The following CTSB variants were observed in gnomAD, a reference collection of about 807,000 sequenced individuals.
CTSB encodes cathepsin B.
Under a neutral mutation model 44.3 loss-of-function variants are expected in CTSB, and 57 were observed. The observed-to-expected ratio is 1.29, with a 90% CI of 1.04 to 1.60. CTSB has a LOEUF of 1.60. Ranked by LOEUF, CTSB falls within the 40% of genes most tolerant of loss-of-function variation. The pLI, the probability that CTSB is intolerant of heterozygous loss-of-function variation, is 0.00. For missense variants in CTSB, 768 were observed against 443.0 expected (o/e 1.73, Z -6.59); for synonymous variants, 320 against 168.0 (o/e 1.91, Z -7.00).
intron 1 of CTSB, among the ~76,000 whole-genome samples, chr8:11,859,070 G>A (rs1438533931): frequency 2.0e-5 from 3 of 152,104 alleles, no homozygotes; most frequent in African/African-American, 7.2e-5. Flanking sequence ...GGTCTGCTGT[G>A]CTGCTTAGGC....
chr8:11,847,871 A>ACGCCCCAGCTGGGCGAGGC, intron 6 of CTSB, 49 bp from the exon 7 acceptor site: 1 of 1,555,122 alleles, frequency 6.4e-7, no homozygotes, highest in East Asian at 2.3e-5. Flanking sequence ...CCCCACGGAG[A>ACGCCCCAGCTGGGCGAGGC]AGACCTGGGG....
At chr8:11,857,016 A>G (rs539434798) in intron 1 of CTSB, among the ~76,000 whole-genome samples, 42 of 152,240 alleles carry the variant, frequency 2.8e-4, no homozygotes, top group African/African-American at 7.9e-4. Context: ...CTTCCCACCA[A>G]TGAGGCTTCC....
At chr8:11,848,844 G>C (rs530023749) in intron 5 of CTSB, 1 of 506,964 alleles carries the variant, frequency 2.0e-6, no homozygotes, top group South Asian at 2.2e-5. Flanking sequence ...CCCTCAGACA[G>C]CTCTGCCGGG....
In CTSB at chr8:11,848,228, TGCCCGAG is replaced by T. The variant is rs757916870; in HGVS notation, c.447-83_447-77del. 5.1e-6 allele frequency: 7 copies of T among 1,373,892 alleles called. No homozygotes were observed. The African/African-American group carries it at 1.0e-4, about 20-fold the overall frequency. 85.1% of individuals were successfully genotyped at this position (1,373,892 alleles called of 1,614,324 possible). Reference sequence around the variant, plus strand: ...TCCAGACCACTGTGTGCTACCCAAGTGCCCGAGGCCACTCGTGGACCCACCCCCAGCT... The same window carrying T: ...TCCAGACCACTGTGTGCTACCCAAGTGCCACTCGTGGACCCACCCCCAGCT... On this transcript the variant is annotated intron_variant, in intron 5 of 9. Coordinates refer to ENST00000353047, the MANE Select transcript of CTSB (RefSeq NM_001908.5).
chr8:11,853,408 T>C lies in CTSB; in HGVS notation c.47A>G (p.Asn16Ser), dbSNP rs751312364. Residue 16 changes from asparagine to serine, a missense_variant, in exon 2 of 10, where the codon AAT becomes AGT. Physicochemically the swap from Asn to Ser is conservative, Grantham distance 46. Transcript: ENST00000353047. ...ASLCCLLVLA[N>S]ARSRPSFHPL... ...ATGGAAAGAGGGCCTGCTCCGGGCA[T>C]TGGCCAACACCAGCAGGCAGCAGAG... The C allele has an allele frequency of 6.2e-6, 10 of 1,612,770 alleles. No individual in the cohort carries two copies. The highest frequency in any genetic ancestry group is 1.7e-4 in the Middle Eastern group (1 of 6,060).
rs140521029 is a variant in CTSB, at chr8:11,845,369, G to A, written c.923-147C>T. The A allele has an allele frequency of 1.2e-3, 802 of 684,938 alleles. 6 individuals carry two copies. The African/African-American group carries it at 0.013, about 11-fold the overall frequency. 42.4% of individuals were successfully genotyped at this position (684,938 alleles called of 1,614,324 possible). ...CAGTCCTCAACACCACAAGGCTTCT[G>A]GAGCCGTGGGGCACACCTCCACGGG... is the stretch of plus-strand genomic sequence containing the variant. On this transcript the variant is annotated intron_variant, in intron 9 of 9. Coordinates refer to ENST00000353047, the MANE Select transcript of CTSB (RefSeq NM_001908.5).
At chr8:11,852,561 C>T in intron 3 of CTSB, 49 bp downstream of exon 3, 3 of 1,520,788 alleles carry the variant, frequency 2.0e-6, no homozygotes, top group Non-Finnish European at 2.7e-6. Flanking sequence ...CTGCCCCAAA[C>T]CAACGCCTGC....
At chr8:11,858,501 G>A (rs952516204) in intron 1 of CTSB, among the ~76,000 whole-genome samples, 4 of 152,132 alleles carry the variant, frequency 2.6e-5, no homozygotes, top group African/African-American at 9.7e-5. Context: ...TGTTGCCCAG[G>A]CTGGTCTCAA....
At chr8:11,864,871 C>T (rs1200357312) in intron 1 of CTSB, among the ~76,000 whole-genome samples, 1 of 150,668 alleles carries the variant, frequency 6.6e-6, no homozygotes, top group Non-Finnish European at 1.5e-5. Flanking sequence ...TGAGATTGTG[C>T]CACGGCATTC....
chr8:11,845,276 G>T, intron 9 of CTSB, 54 bp from the exon 10 acceptor site: 1 of 1,351,092 alleles, frequency 7.4e-7, no homozygotes, highest in Non-Finnish European at 1.1e-6. Flanking sequence ...AACCAATATA[G>T]TCAGACTCAT....
rs775406204 is a variant in CTSB at position 11,847,837 on chromosome 8, G to C, written c.533-15C>G. 3 of 1,570,970 alleles carry C rather than the reference G, an allele frequency of 1.9e-6. No homozygotes were observed. The highest frequency in any genetic ancestry group is 1.7e-4 in the Middle Eastern group (1 of 5,908). On this transcript the variant is annotated splice_polypyrimidine_tract_variant and intron_variant, in intron 6 of 9. Coordinates refer to ENST00000353047, the MANE Select transcript of CTSB (RefSeq NM_001908.5). ...CGGTCTGCACCCTGATGGGACGCGGGAGAAAGCGGAGTCAACCTACAGCCC... is the reference window on the plus strand; with the variant it reads ...CGGTCTGCACCCTGATGGGACGCGGCAGAAAGCGGAGTCAACCTACAGCCC...
At chr8:11,861,803 C>T (rs1816455709) in intron 1 of CTSB, among the ~76,000 whole-genome samples, 1 of 152,166 alleles carries the variant, frequency 6.6e-6, no homozygotes, top group Admixed American at 6.6e-5. Context: ...TAGTGTTCTG[C>T]TCATTAGTGT....
intron 1 of CTSB, among the ~76,000 whole-genome samples, chr8:11,859,548 G>T (rs1298480764): frequency 2.0e-5 from 3 of 151,834 alleles, no homozygotes; most frequent in Non-Finnish European, 4.4e-5. Flanking sequence ...ATCACCTGAG[G>T]TCAGGAGTTC....
rs1388617522 is a variant in CTSB, at chr8:11,849,403, C to T, written c.328-239G>A. On this transcript the variant is annotated intron_variant, in intron 4 of 9. Coordinates refer to ENST00000353047, the MANE Select transcript of CTSB (RefSeq NM_001908.5). ...TCAAGTGATTTGCCCACCTTGGCCT[C>T]CCAAAGTGCTGGGATTAGAGGCGTG... 4 of 330,306 alleles carry T rather than the reference C, an allele frequency of 1.2e-5. No homozygotes were observed. In the Middle Eastern group the frequency reaches 3.0e-3, roughly 248 times the overall value. 20.5% of individuals were successfully genotyped at this position (330,306 alleles called of 1,614,324 possible). A position where few individuals can be genotyped will look rare whatever the true frequency, so the allele number is the denominator to read the frequency against.
chr8:11,848,779 G>C (rs185114950), intron 5 of CTSB: 26 of 377,232 alleles, frequency 6.9e-5, no homozygotes, highest in African/African-American at 4.1e-4. Context: ...AACCAGACCA[G>C]GGGCCAGACA....
Position 11,845,701 on chromosome 8 carries a change from C to G in CTSB, c.882G>C (p.Trp294Cys), listed in dbSNP as rs1358729557. The G allele has an allele frequency of 1.2e-6, 2 of 1,613,986 alleles. No homozygotes were observed. The highest frequency in any genetic ancestry group is 1.7e-5 in the Admixed American group (1 of 59,998). ...CAGTGTTCCAGGAGTTGGCAACCAG[C>G]CAGTAGGGTGTGCCATTCTCCACTC... ...GWGVENGTPY[W>C]LVANSWNTDW... The change falls in exon 9 of 10, where the codon TGG (tryptophan) becomes TGC (cysteine). Residue 294 changes from tryptophan (W) to cysteine (C), a missense_variant. By Grantham distance (215) the Trp-to-Cys change is radical. Transcript: ENST00000353047.
Position 11,846,239 on chromosome 8 carries a change from A to C in CTSB, c.794-450T>G, listed in dbSNP as rs181740454. ...GGGAGGACTGGTGGCAGCTAATGCT[A>C]GCTGATGGGAAAGATACTGGCTAAG... On this transcript the variant is annotated intron_variant, in intron 8 of 9. Transcript: ENST00000353047. 2.4e-4 allele frequency: 37 copies of C among 152,806 alleles called. No homozygotes were observed. In the South Asian group the frequency reaches 5.4e-3, roughly 22 times the overall value. The allele number at this position is 152,806 out of a possible 1,614,324, so 9.5% of individuals were successfully genotyped here. A position where few individuals can be genotyped will look rare whatever the true frequency, so the allele number is the denominator to read the frequency against.
In CTSB at chr8:11,848,123, C is replaced by T; in HGVS notation, c.476G>A (p.Trp159Ter). 1.2e-6 allele frequency: 2 copies of T among 1,614,192 alleles called. No homozygotes were observed. The highest frequency in any genetic ancestry group is 1.7e-6 in the Non-Finnish European group (2 of 1,180,022). The change falls in exon 6 of 10, where the codon TGG (tryptophan) becomes TAG (stop). Residue 159 changes from tryptophan to a stop codon, truncating the protein, a stop_gained. Coordinates refer to ENST00000353047, the MANE Select transcript of CTSB (RefSeq NM_001908.5). LOFTEE classifies it high-confidence loss of function. ...GCNGGYPAEAWNFWTRKGLVS... is the reference protein window; with the variant it reads ...GCNGGYPAEA ...CAGGCCTTTTCTTGTCCAGAAGTTC[C>T]AAGCTTCAGCAGGATAGCCACCATT...
chr8:11,865,852 CAAAAAAA>C (rs371697545), intron 1 of CTSB, among the ~76,000 whole-genome samples: 4 of 84,274 alleles, frequency 4.7e-5, no homozygotes, highest in Non-Finnish European at 9.5e-5. Flanking sequence ...ACTAAAAATA[CAAAAAAA>C]AAAAAAAAAG....
Sources: gnomAD v4.1 joint callset for allele counts (sites outside exome capture counted in the v4.1 genomes callset) on GRCh38, gnomAD v4.1.1 for gene constraint, MANE v1.5 for transcripts, NCBI Gene and HGNC (gene_info 2026-07-23, HGNC 2026-07-21) for gene names.